The following P3H2 variants were observed in gnomAD, a reference collection of about 807,000 sequenced individuals.
The protein encoded by P3H2 is prolyl 3-hydroxylase 2.
Under a neutral mutation model 87.0 loss-of-function variants are expected in P3H2, and 80 were observed. The observed-to-expected ratio is 0.92, with a 90% CI of 0.77 to 1.11. P3H2 has a LOEUF of 1.11. P3H2 is among the 50% of genes least tolerant of loss of function. The pLI is 0.00. For synonymous variants in P3H2, 367 were observed against 359.3 expected (o/e 1.02, Z -0.24); for missense variants, 1,001 against 923.9 (o/e 1.08, Z -1.08).
At chr3:189,971,551 A>G (rs774545856) in intron 12 of P3H2, 1 of 333,166 alleles carries the variant, frequency 3.0e-6, no homozygotes, top group South Asian at 2.6e-5. Flanking sequence ...TATGTAGGCC[A>G]AGACTCCATG....
chr3:189,984,490 G>T, intron 7 of P3H2, 60 bp downstream of exon 7: 3 of 1,181,652 alleles, frequency 2.5e-6, no homozygotes, highest in South Asian at 1.2e-5. Flanking sequence ...CTCTATGATA[G>T]GTTATGACAC....
rs571382108 is a variant in P3H2, at chr3:189,967,262, GT to G, written c.1894-3165del. On this transcript the variant is annotated intron_variant, in intron 13 of 14. Coordinates refer to ENST00000319332, the MANE Select transcript of P3H2 (RefSeq NM_018192.4). ...TAAAAATTTGTTTAAATCAGTTTTA[GT>G]TTTTTTAGGGGAGGTTAGATTCTGG... Among the ~76,000 whole-genome samples, 25 of 151,730 alleles carry G rather than the reference GT, an allele frequency of 1.6e-4. No individual in the cohort carries two copies. In the East Asian group the frequency reaches 4.6e-3, roughly 28 times the overall value.
At chr3:190,049,913 C>T (rs1179471544) in intron 1 of P3H2, among the ~76,000 whole-genome samples, 2 of 152,132 alleles carry the variant, frequency 1.3e-5, no homozygotes, top group Non-Finnish European at 2.9e-5. Flanking sequence ...AGTTAAACAG[C>T]TTTCTTTATT....
At chr3:190,047,784 G>A (rs1725851610) in intron 1 of P3H2, among the ~76,000 whole-genome samples, 2 of 152,152 alleles carry the variant, frequency 1.3e-5, no homozygotes, top group Non-Finnish European at 2.9e-5. Context: ...AAGGGTAGTG[G>A]GAGAGGTGAG....
At chr3:190,041,095 ATATATATATATAC>A (rs759328511) in intron 1 of P3H2, among the ~76,000 whole-genome samples, 16,597 of 57,616 alleles carry the variant, frequency 0.29, 3,581 homozygotes, top group Non-Finnish European at 0.4. Context: ...CTCTCTCTAT[ATATATATATATAC>A]TATATATATA....
intron 12 of P3H2, 71 bp downstream of exon 12, chr3:189,971,819 C>T (rs1723185914): frequency 4.4e-6 from 4 of 915,926 alleles, no homozygotes; most frequent in Non-Finnish European, 7.4e-6. Context: ...CAAAACAGAG[C>T]ACCTTTCCAG....
At chr3:189,958,333 T>C (rs1349416432) in intron 14 of P3H2, among the ~76,000 whole-genome samples, 2 of 152,166 alleles carry the variant, frequency 1.3e-5, no homozygotes. Context: ...AAGAACCTGC[T>C]CTGTTCTTCA....
intron 1 of P3H2, among the ~76,000 whole-genome samples, chr3:190,066,158 T>TATATATATATATATATATACAC (rs1256956930): frequency 1.3e-4 from 18 of 134,614 alleles, no homozygotes; most frequent in African/African-American, 4.3e-4. Context: ...TATATATATA[T>TATATATATATATATATATACAC]ACACACACAC....
chr3:190,014,878 C>G (rs534078196), intron 1 of P3H2, among the ~76,000 whole-genome samples: 1 of 152,118 alleles, frequency 6.6e-6, no homozygotes, highest in Non-Finnish European at 1.5e-5. Flanking sequence ...ATGTGTAAGA[C>G]CAGACATCAG....
intron 1 of P3H2, among the ~76,000 whole-genome samples, chr3:190,060,959 T>C (rs1230951722): frequency 2.0e-5 from 3 of 152,114 alleles, no homozygotes; most frequent in Admixed American, 6.6e-5. Context: ...ACATGTACAA[T>C]TTTGTTATGT....
intron 1 of P3H2, among the ~76,000 whole-genome samples, chr3:190,049,619 GGCCTTCATAAAAACTCTTTCAAAATT>G (rs1169299874): frequency 6.6e-6 from 1 of 151,926 alleles, no homozygotes; most frequent in Non-Finnish European, 1.5e-5. Context: ...TTAATTTATT[GGCCTTCATAAAAACTCTTTCAAAATT>G]GTCACCTATC....
intron 1 of P3H2, among the ~76,000 whole-genome samples, chr3:190,001,399 A>G (rs139820571): frequency 1.5e-3 from 234 of 152,322 alleles, no homozygotes; most frequent in African/African-American, 5.6e-3. Flanking sequence ...AATTTCCATT[A>G]TTCTCAAACA....
At chr3:189,976,256 A>C (rs1723344591) in intron 8 of P3H2, among the ~76,000 whole-genome samples, 1 of 152,224 alleles carries the variant, frequency 6.6e-6, no homozygotes, top group Non-Finnish European at 1.5e-5. Context: ...CCTTTGTATC[A>C]GTCCATTTTC....
At chr3:190,114,589 G>A (rs1712217406) in intron 1 of P3H2, among the ~76,000 whole-genome samples, 1 of 152,136 alleles carries the variant, frequency 6.6e-6, no homozygotes, top group Admixed American at 6.5e-5. Context: ...CAATCCCAAG[G>A]AGGAACAATT....
chr3:190,012,235 T>C (rs1278951774), intron 1 of P3H2, among the ~76,000 whole-genome samples: 2 of 148,068 alleles, frequency 1.4e-5, no homozygotes, highest in Non-Finnish European at 3.0e-5. Context: ...TGTGTGTGTG[T>C]GTGTGTAGTG....
chr3:189,991,850 T>C (rs767460197), intron 3 of P3H2, among the ~76,000 whole-genome samples: 1 of 152,202 alleles, frequency 6.6e-6, no homozygotes. Context: ...TTTTAGAGAC[T>C]GCTCTGTGGG....
chr3:190,013,996 G>A (rs144030680), intron 1 of P3H2, among the ~76,000 whole-genome samples: 9 of 152,030 alleles, frequency 5.9e-5, no homozygotes, highest in African/African-American at 1.9e-4. Context: ...ATTACTCTCT[G>A]GGCATTTGCT....
intron 1 of P3H2, among the ~76,000 whole-genome samples, chr3:190,115,788 G>A (rs1712266537): frequency 6.6e-6 from 1 of 152,210 alleles, no homozygotes; most frequent in Non-Finnish European, 1.5e-5. Flanking sequence ...CATTTCATAT[G>A]CATGGAACCA....
chr3:190,063,940 T>C (rs1322667431), intron 1 of P3H2, among the ~76,000 whole-genome samples: 3 of 152,070 alleles, frequency 2.0e-5, no homozygotes, highest in Non-Finnish European at 4.4e-5. Context: ...TATATATCTA[T>C]TTAAGCATTT....
Sources: allele counts gnomAD v4.1 joint callset (sites outside exome capture counted in the v4.1 genomes callset), GRCh38; gene constraint gnomAD v4.1.1; transcripts MANE v1.5; gene names NCBI Gene and HGNC (gene_info 2026-07-23, HGNC 2026-07-21).